Variants in PRMT3 observed in about 807,000 individuals in gnomAD.
PRMT3 encodes the protein protein arginine methyltransferase 3.
A neutral mutation model predicts 71.9 loss-of-function variants in PRMT3; 62 were observed. That is an observed-to-expected ratio of 0.86 (90% CI 0.70 to 1.07). The LOEUF (loss-of-function observed/expected upper bound fraction) is 1.07, where lower values mean the gene tolerates loss of function less well. Ranked by LOEUF, PRMT3 falls within the 50% of genes least tolerant of loss-of-function variation. The pLI is 0.00. For synonymous variants in PRMT3, 213 were observed against 220.4 expected (o/e 0.97, Z 0.30); for missense variants, 663 against 643.0 (o/e 1.03, Z -0.34).
intron 5 of PRMT3, 24 bp from the exon 6 acceptor site, chr11:20,395,776 GATA>G (rs1848811420): frequency 1.9e-6 from 3 of 1,598,598 alleles, no homozygotes. Context: ...AAGATGGCCT[GATA>G]ATAATGTCCA....
chr11:20,426,885 ACT>A lies in PRMT3; in HGVS notation c.993+21_993+22del. The A allele has an allele frequency of 2.0e-6, 3 of 1,510,924 alleles. No homozygotes were observed. The highest frequency in any genetic ancestry group is 2.6e-6 in the Non-Finnish European group (3 of 1,141,182). The allele number at this position is 1,510,924 out of a possible 1,614,324, so 93.6% of individuals were successfully genotyped here. The stretch of plus-strand genomic sequence containing the variant: ...TGGATGGTGAGTGTTTATAGAAAAA[ACT>A]ACTTTCACTGGTAAAATGAAAAAAC... On this transcript the variant is annotated intron_variant, in intron 10 of 15. Coordinates refer to ENST00000331079, the MANE Select transcript of PRMT3 (RefSeq NM_005788.4).
intron 13 of PRMT3, among the ~76,000 whole-genome samples, chr11:20,488,130 G>C (rs1254680897): frequency 6.6e-6 from 1 of 151,976 alleles, no homozygotes; most frequent in Non-Finnish European, 1.5e-5. Flanking sequence ...TTTCTCTTGG[G>C]ATACAATAGA....
intron 11 of PRMT3, among the ~76,000 whole-genome samples, chr11:20,456,590 C>G (rs1850271800): frequency 6.6e-6 from 1 of 152,236 alleles, no homozygotes; most frequent in South Asian, 2.1e-4. Flanking sequence ...GTCTTAATTA[C>G]TGTAACTTTA....
chr11:20,392,373 T>C lies in PRMT3; in HGVS notation c.297+113T>C, dbSNP rs1373563536. 7.0e-6 allele frequency: 8 copies of C among 1,144,186 alleles called. No individual in the cohort carries two copies. In the South Asian group the frequency reaches 9.9e-5, roughly 14 times the overall value. 70.9% of individuals were successfully genotyped at this position (1,144,186 alleles called of 1,614,324 possible). ...TGAGGAACTGCATTAAATTTGGTAC[T>C]CATCATATTGGGGGAATCACGGACA... is the stretch of plus-strand genomic sequence containing the variant. On this transcript the variant is annotated intron_variant, in intron 4 of 15. Coordinates refer to ENST00000331079, the MANE Select transcript of PRMT3 (RefSeq NM_005788.4).
At chr11:20,454,317 T>C (rs555939884) in intron 11 of PRMT3, among the ~76,000 whole-genome samples, 2 of 152,320 alleles carry the variant, frequency 1.3e-5, no homozygotes, top group South Asian at 4.1e-4. Context: ...CTTGATCTTA[T>C]TGAGGAACTG....
intron 13 of PRMT3, among the ~76,000 whole-genome samples, chr11:20,471,873 T>A (rs886411314): frequency 6.6e-6 from 1 of 152,236 alleles, no homozygotes; most frequent in African/African-American, 2.4e-5. Context: ...CTTTCTGTTT[T>A]CTTTGAGCAG....
At chr11:20,421,484 C>CCTT (rs1386055958) in intron 9 of PRMT3, among the ~76,000 whole-genome samples, 1 of 152,166 alleles carries the variant, frequency 6.6e-6, no homozygotes, top group Admixed American at 6.5e-5. Flanking sequence ...CTCCCCACTA[C>CCTT]CTTCTGACCT....
At chr11:20,428,520 A>G (rs1171347795) in intron 10 of PRMT3, among the ~76,000 whole-genome samples, 3 of 152,234 alleles carry the variant, frequency 2.0e-5, no homozygotes, top group Non-Finnish European at 4.4e-5. Context: ...AATCTGAAAG[A>G]TGATCTAGAA....
chr11:20,462,934 C>CGGCTCACT (rs1224709641), intron 12 of PRMT3, among the ~76,000 whole-genome samples: 1 of 151,888 alleles, frequency 6.6e-6, no homozygotes, highest in Admixed American at 6.6e-5. Context: ...GGCGCAATCT[C>CGGCTCACT]GGCTCACTGC....
In PRMT3 at chr11:20,388,099, G is replaced by A; in HGVS notation, c.109G>A (p.Asp37Asn). 1 of 1,614,082 alleles carries A rather than the reference G, an allele frequency of 6.2e-7. No homozygotes were observed. Among genetic ancestry groups the A allele is most frequent in the South Asian group, 1.1e-5 (1 of 91,086 alleles). The change falls in exon 2 of 16, where the codon GAC becomes AAC. Residue 37 changes from aspartate to asparagine, a missense_variant. Coordinates refer to ENST00000331079, the MANE Select transcript of PRMT3 (RefSeq NM_005788.4). The part of the protein sequence containing the change: ...SGDEAAWEDE[D>N]DADLPHGKQQ... The stretch of plus-strand genomic sequence containing the variant: ...GGACGAGGCCGCCTGGGAGGATGAG[G>A]ACGATGCAGATCTCCCCCACGGCAA...
chr11:20,508,649 G>C lies in PRMT3; in HGVS notation c.*236G>C. The C allele has an allele frequency of 1.6e-6, 1 of 625,876 alleles. No individual in the cohort carries two copies. The highest frequency in any genetic ancestry group is 3.0e-6 in the Non-Finnish European group (1 of 336,366). 38.8% of individuals were successfully genotyped at this position (625,876 alleles called of 1,614,324 possible). On this transcript the variant is annotated 3_prime_UTR_variant, in exon 16 of 16. Transcript: ENST00000331079. ...ATTTTCTTAGACGTTTGCTCCACCA[G>C]ATTTAACCAAATGTAACTCCCACAT...
chr11:20,473,284 T>G (rs1850697218), intron 13 of PRMT3, among the ~76,000 whole-genome samples: 1 of 152,100 alleles, frequency 6.6e-6, no homozygotes, highest in Non-Finnish European at 1.5e-5. Context: ...TTGGGGTTTG[T>G]TTGCTTTTGG....
At chr11:20,427,354 G>T (rs1192575927) in intron 10 of PRMT3, among the ~76,000 whole-genome samples, 1 of 152,098 alleles carries the variant, frequency 6.6e-6, no homozygotes, top group Non-Finnish European at 1.5e-5. Context: ...TAAAAGGAAG[G>T]TATGTTACAT....
At chr11:20,420,161 G>A (rs1849395134) in intron 9 of PRMT3, among the ~76,000 whole-genome samples, 1 of 152,174 alleles carries the variant, frequency 6.6e-6, no homozygotes, top group Non-Finnish European at 1.5e-5. Context: ...GATAGAGCAA[G>A]ACTCTGTCTC....
chr11:20,430,623 G>T (rs189126448), intron 10 of PRMT3, among the ~76,000 whole-genome samples: 2 of 151,532 alleles, frequency 1.3e-5, no homozygotes, highest in African/African-American at 2.4e-5. Flanking sequence ...TATATTTAAG[G>T]TGTACAACAT....
intron 10 of PRMT3, among the ~76,000 whole-genome samples, chr11:20,447,869 G>T (rs946896220): frequency 1.3e-5 from 2 of 151,988 alleles, no homozygotes; most frequent in Admixed American, 6.6e-5. Context: ...TTATATAAAG[G>T]ATATAGTTGG....
chr11:20,416,708 G>T (rs1225626330), intron 9 of PRMT3, among the ~76,000 whole-genome samples: 1 of 152,044 alleles, frequency 6.6e-6, no homozygotes, highest in Non-Finnish European at 1.5e-5. Context: ...AATGTCCTCA[G>T]TGTTAGTAAT....
intron 10 of PRMT3, among the ~76,000 whole-genome samples, chr11:20,449,311 T>C (rs1477157603): frequency 6.6e-6 from 1 of 152,184 alleles, no homozygotes; most frequent in Admixed American, 6.6e-5. Flanking sequence ...TACTCTGAAA[T>C]GATTGCACAC....
intron 11 of PRMT3, among the ~76,000 whole-genome samples, chr11:20,454,426 A>G (rs1283747990): frequency 1.3e-5 from 2 of 152,160 alleles, no homozygotes; most frequent in Non-Finnish European, 2.9e-5. Context: ...CATCAGAGGG[A>G]TAAAGTGGAG....
Sources: allele counts gnomAD v4.1 joint callset (sites outside exome capture counted in the v4.1 genomes callset), GRCh38; gene constraint gnomAD v4.1.1; transcripts MANE v1.5; gene names NCBI Gene and HGNC (gene_info 2026-07-23, HGNC 2026-07-21).